The following SIPA1L1 variants were observed in gnomAD, a reference collection of about 807,000 sequenced individuals.
SIPA1L1 encodes signal-induced proliferation-associated 1-like protein 1.
Under a neutral mutation model 162.7 loss-of-function variants are expected in SIPA1L1, and 26 were observed. That is an observed-to-expected ratio of 0.16 (90% CI 0.12 to 0.22). The LOEUF (loss-of-function observed/expected upper bound fraction) is 0.22, where lower values mean the gene tolerates loss of function less well. Ranked by LOEUF, SIPA1L1 falls within the 10% of genes least tolerant of loss-of-function variation. The pLI is 1.00. For missense variants in SIPA1L1, 1,874 were observed against 2,241.0 expected (o/e 0.84, Z 3.31); for synonymous variants, 829 against 837.4 (o/e 0.99, Z 0.17).
chr14:71,385,855 T>G (rs1376804673), intron 2 of SIPA1L1, among the ~76,000 whole-genome samples: 1 of 151,940 alleles, frequency 6.6e-6, no homozygotes, highest in Non-Finnish European at 1.5e-5. Flanking sequence ...GCCCAGCTAA[T>G]TTTTGTATTT....
chr14:71,447,419 T>A (rs1209113877), intron 2 of SIPA1L1, among the ~76,000 whole-genome samples: 1 of 152,210 alleles, frequency 6.6e-6, no homozygotes, highest in Non-Finnish European at 1.5e-5. Context: ...TAGGGTTGCC[T>A]TTTAAAATTG....
At chr14:71,433,410 G>A (rs776595869) in intron 2 of SIPA1L1, among the ~76,000 whole-genome samples, 2 of 152,112 alleles carry the variant, frequency 1.3e-5, no homozygotes, top group East Asian at 1.9e-4. Context: ...TCAACCTCTC[G>A]GGCTCAAGCA....
At chr14:71,420,187 G>A (rs1282020281) in intron 2 of SIPA1L1, among the ~76,000 whole-genome samples, 1 of 152,150 alleles carries the variant, frequency 6.6e-6, no homozygotes, top group East Asian at 1.9e-4. Context: ...AGCCAGGATA[G>A]AAATATGAAA....
intron 3 of SIPA1L1, among the ~76,000 whole-genome samples, chr14:71,521,090 G>A (rs1347301634): frequency 6.6e-6 from 1 of 152,054 alleles, no homozygotes; most frequent in African/African-American, 2.4e-5. Flanking sequence ...CACTGCAGTT[G>A]TTTTCAGTTT....
At chr14:71,597,102 T>C (rs950102154) in intron 5 of SIPA1L1, among the ~76,000 whole-genome samples, 2 of 152,112 alleles carry the variant, frequency 1.3e-5, no homozygotes, top group African/African-American at 4.8e-5. Context: ...CCTCAACAGC[T>C]GGGATCACAA....
At chr14:71,416,775 GTATA>G (rs779909500) in intron 2 of SIPA1L1, among the ~76,000 whole-genome samples, 5 of 150,172 alleles carry the variant, frequency 3.3e-5, no homozygotes, top group Non-Finnish European at 7.4e-5. Flanking sequence ...ACACAACCTT[GTATA>G]TATATAGTTT....
intron 10 of SIPA1L1, among the ~76,000 whole-genome samples, chr14:71,665,702 G>A (rs2043936399): frequency 6.6e-6 from 1 of 152,136 alleles, no homozygotes; most frequent in African/African-American, 2.4e-5. Flanking sequence ...GCCAAATATA[G>A]TAGTTCCTCC....
chr14:71,543,948 T>TATATC (rs1373045201), intron 4 of SIPA1L1, among the ~76,000 whole-genome samples: 5 of 149,018 alleles, frequency 3.4e-5, no homozygotes, highest in African/African-American at 9.8e-5. Context: ...TATATATACA[T>TATATC]ATACGCACAT....
At chr14:71,465,827 A>T (rs186634646) in intron 2 of SIPA1L1, among the ~76,000 whole-genome samples, 1 of 152,334 alleles carries the variant, frequency 6.6e-6, no homozygotes, top group East Asian at 1.9e-4. Context: ...AGCCAGTCCG[A>T]GTCCCAAAAC....
intron 3 of SIPA1L1, among the ~76,000 whole-genome samples, chr14:71,517,235 A>G (rs1000547242): frequency 1.3e-5 from 2 of 152,140 alleles, no homozygotes; most frequent in Non-Finnish European, 2.9e-5. Flanking sequence ...ACCTAGTACA[A>G]AACTTTTGGG....
intron 2 of SIPA1L1, among the ~76,000 whole-genome samples, chr14:71,459,103 G>A (rs2046396008): frequency 6.6e-6 from 1 of 151,824 alleles, no homozygotes; most frequent in African/African-American, 2.4e-5. Context: ...AGCAATAGAT[G>A]TTTTTTGTTG....
Position 71,618,769 on chromosome 14 carries a change from A to G in SIPA1L1, c.1511A>G (p.Tyr504Cys). ...KFFYQKEHWN[Y>C]FGADENLGPV... Reference sequence around the variant, plus strand: ...TATTTTACCTAAGAACACTGGAACTATTTTGGGGCTGATGAGAATCTTGGT... The same window carrying G: ...TATTTTACCTAAGAACACTGGAACTGTTTTGGGGCTGATGAGAATCTTGGT... The change falls in exon 6 of 24, where the codon TAT becomes TGT. Residue 504 changes from tyrosine to cysteine, a missense_variant. Coordinates refer to ENST00000381232, the MANE Select transcript of SIPA1L1 (RefSeq NM_001386936.1). The G allele has an allele frequency of 6.2e-7, 1 of 1,613,658 alleles. No individual in the cohort carries two copies. The highest frequency in any genetic ancestry group is 8.5e-7 in the Non-Finnish European group (1 of 1,179,808).
At chr14:71,396,971 G>A (rs1270207895) in intron 2 of SIPA1L1, among the ~76,000 whole-genome samples, 2 of 152,086 alleles carry the variant, frequency 1.3e-5, no homozygotes, top group Non-Finnish European at 2.9e-5. Context: ...ATTTACTGAC[G>A]TTTTTTAAGG....
At position 71,377,966 on chromosome 14, in the gene SIPA1L1, C is replaced by T. The variant is rs1481051738; in HGVS notation, c.-465+56785C>T. 6.6e-6 allele frequency among the ~76,000 whole-genome samples: 1 copy of T among 151,980 alleles called. No homozygotes were observed. ...GGCAACCGAGGGAGACCGTGGAAAGCAGGAGATGGAGACGAGGGAGAGGGG... is the reference window on the plus strand; with the variant it reads ...GGCAACCGAGGGAGACCGTGGAAAGTAGGAGATGGAGACGAGGGAGAGGGG... On this transcript the variant is annotated intron_variant, in intron 2 of 23. Coordinates refer to ENST00000381232, the MANE Select transcript of SIPA1L1 (RefSeq NM_001386936.1). The surrounding 1 kb of genome is among the most constrained non-coding windows in gnomAD (Gnocchi z 4.8).
intron 2 of SIPA1L1, among the ~76,000 whole-genome samples, chr14:71,472,355 C>T (rs887381294): frequency 7.3e-6 from 1 of 136,658 alleles, no homozygotes; most frequent in Admixed American, 7.4e-5. Flanking sequence ...AGGCAAGCCT[C>T]AAAAAAAAAA....
chr14:71,521,248 T>C (rs1311769797), intron 3 of SIPA1L1, among the ~76,000 whole-genome samples: 2 of 152,182 alleles, frequency 1.3e-5, no homozygotes, highest in African/African-American at 4.8e-5. Context: ...AATTTATTAA[T>C]ATAAGTTTTA....
chr14:71,636,580 G>A (rs189147330), intron 7 of SIPA1L1, among the ~76,000 whole-genome samples: 2 of 152,214 alleles, frequency 1.3e-5, no homozygotes, highest in East Asian at 3.9e-4. Flanking sequence ...GAAATGCTGC[G>A]TTAGAAAAGA....
At chr14:71,370,512 G>A (rs1235238941) in intron 2 of SIPA1L1, among the ~76,000 whole-genome samples, 2 of 152,136 alleles carry the variant, frequency 1.3e-5, no homozygotes, top group African/African-American at 4.8e-5. Flanking sequence ...CATTGCTTAA[G>A]TGTAACTCCT....
intron 12 of SIPA1L1, among the ~76,000 whole-genome samples, chr14:71,680,366 C>A (rs184935353): frequency 1.1e-3 from 162 of 152,300 alleles, no homozygotes; most frequent in African/African-American, 3.6e-3. Context: ...TTAAAATGTT[C>A]TTTGAAACCA....
Sources: allele counts gnomAD v4.1 joint callset (sites outside exome capture counted in the v4.1 genomes callset), GRCh38; gene constraint gnomAD v4.1.1; non-coding constraint Gnocchi (gnomAD v3.1); transcripts MANE v1.5; gene names NCBI Gene and HGNC (gene_info 2026-07-23, HGNC 2026-07-21).